PRELID2: variants seen among roughly 807,000 people sequenced by gnomAD.
PRELID2 encodes the protein PRELI domain containing 2.
A neutral mutation model predicts 28.4 loss-of-function variants in PRELID2; 25 were observed. The ratio of observed to expected loss-of-function variants is 0.88; its 90% CI spans 0.64 to 1.23. The LOEUF is 1.23. Ranked by LOEUF, PRELID2 falls within the 50% of genes most tolerant of loss-of-function variation. The probability of loss-of-function intolerance (pLI) is 0.00; values close to 1 mark genes in which losing one functional copy is unlikely to be tolerated. For missense variants in PRELID2, 201 were observed against 214.4 expected (o/e 0.94, Z 0.39); for synonymous variants, 76 against 71.6 (o/e 1.06, Z -0.31).
At chr5:145,242,100 ATTAT>A in the PRELID2 span, among the ~76,000 whole-genome samples, 1 of 152,034 alleles carries the variant, frequency 6.6e-6, no homozygotes, top group African/African-American at 2.4e-5. Context: ...TGCAAAAAAT[ATTAT>A]TTGTTACCAA....
At chr5:145,659,063 G>A (rs1452588301) in intron 1 of PRELID2, among the ~76,000 whole-genome samples, 1 of 152,192 alleles carries the variant, frequency 6.6e-6, no homozygotes, top group East Asian at 1.9e-4. Flanking sequence ...AGGGAGCAAA[G>A]GAGAGTCTGA....
intron 1 of PRELID2, among the ~76,000 whole-genome samples, chr5:145,575,326 C>T (rs1753051558): frequency 6.6e-6 from 1 of 152,160 alleles, no homozygotes; most frequent in South Asian, 2.1e-4. Context: ...ACTCAATGCT[C>T]TAACCTGCTG....
At chr5:145,576,446 C>T (rs1284300521) in intron 1 of PRELID2, among the ~76,000 whole-genome samples, 10 of 152,120 alleles carry the variant, frequency 6.6e-5, no homozygotes, top group Admixed American at 2.6e-4. Context: ...TGTATCAGTA[C>T]TTTGCTCTTC....
chr5:145,827,994 G>A (rs1755309647), intron 1 of PRELID2, among the ~76,000 whole-genome samples: 1 of 151,680 alleles, frequency 6.6e-6, no homozygotes, highest in African/African-American at 2.4e-5. Context: ...AAAGTATGTG[G>A]GAATTCTTTG....
intron 1 of PRELID2, among the ~76,000 whole-genome samples, chr5:145,646,774 C>A (rs1561530592): frequency 1.3e-5 from 2 of 152,308 alleles, no homozygotes; most frequent in South Asian, 2.1e-4. Flanking sequence ...CACTCAGGCC[C>A]CTCTGCCGCA....
the PRELID2 span, among the ~76,000 whole-genome samples, chr5:145,431,022 T>TG: frequency 1.4e-5 from 2 of 147,422 alleles, no homozygotes; most frequent in African/African-American, 2.5e-5. Flanking sequence ...TTTTTTTTTT[T>TG]TTTTTTTTTT....
At chr5:145,763,175 T>C (rs190194490) in intron 6 of PRELID2, among the ~76,000 whole-genome samples, 1 of 152,326 alleles carries the variant, frequency 6.6e-6, no homozygotes, top group East Asian at 1.9e-4. Context: ...CTCATTTACC[T>C]TGGAGCTGAC....
At chr5:145,347,949 T>A in the PRELID2 span, among the ~76,000 whole-genome samples, 1 of 152,090 alleles carries the variant, frequency 6.6e-6, no homozygotes, top group East Asian at 1.9e-4. Context: ...TTGATTCAAA[T>A]GGTTCCCATG....
At chr5:145,815,173 G>A (rs1057509516) in intron 4 of PRELID2, among the ~76,000 whole-genome samples, 5 of 152,204 alleles carry the variant, frequency 3.3e-5, no homozygotes, top group African/African-American at 4.8e-5. Flanking sequence ...TATCCACCAT[G>A]TGAGGCAATG....
the PRELID2 span, among the ~76,000 whole-genome samples, chr5:145,464,672 A>G: frequency 6.6e-6 from 1 of 152,106 alleles, no homozygotes; most frequent in Admixed American, 6.6e-5. Context: ...GATGTATGGA[A>G]TATATTTTTA....
At chr5:145,421,489 C>A in the PRELID2 span, among the ~76,000 whole-genome samples, 1 of 149,674 alleles carries the variant, frequency 6.7e-6, no homozygotes, top group Non-Finnish European at 1.5e-5. Context: ...GGAATTTATC[C>A]ATTTCTTCTA....
chr5:145,721,673 T>C (rs1654145), intron 1 of PRELID2, among the ~76,000 whole-genome samples: 27,967 of 151,874 alleles, frequency 0.18, 2,979 homozygotes, highest in African/African-American at 0.29. Context: ...CTGAATTAAC[T>C]CACCAACAGG....
intron 1 of PRELID2, among the ~76,000 whole-genome samples, chr5:145,744,042 C>T (rs1012488918): frequency 2.6e-5 from 4 of 152,246 alleles, no homozygotes; most frequent in African/African-American, 7.2e-5. Flanking sequence ...TAGCCCAACA[C>T]ACCAGCTGTG....
At chr5:145,623,699 G>A (rs1271257804) in intron 1 of PRELID2, among the ~76,000 whole-genome samples, 1 of 152,164 alleles carries the variant, frequency 6.6e-6, no homozygotes, top group African/African-American at 2.4e-5. Flanking sequence ...ATCGTGGAAA[G>A]CAAAGGTTAT....
At chr5:145,656,157 G>A (rs529084515) in intron 1 of PRELID2, among the ~76,000 whole-genome samples, 51 of 152,210 alleles carry the variant, frequency 3.4e-4, no homozygotes, top group Admixed American at 1.8e-3. Flanking sequence ...AAAAATGCTC[G>A]TCATCACTGG....
chr5:145,773,601 C>T (rs957572706), intron 5 of PRELID2, among the ~76,000 whole-genome samples: 3 of 152,208 alleles, frequency 2.0e-5, no homozygotes, highest in African/African-American at 4.8e-5. Context: ...TGCTTAATTA[C>T]GAGACAGTGC....
the PRELID2 span, among the ~76,000 whole-genome samples, chr5:145,464,428 T>A: frequency 6.6e-6 from 1 of 152,194 alleles, no homozygotes. Context: ...ACAAGCTTAA[T>A]GTTTAAATAT....
intron 1 of PRELID2, among the ~76,000 whole-genome samples, chr5:145,592,428 A>C (rs1240715840): frequency 1.3e-5 from 2 of 151,680 alleles, no homozygotes; most frequent in East Asian, 3.9e-4. Flanking sequence ...TCAAAAAAAA[A>C]ATTGTATATA....
At chr5:145,625,945 C>T (rs1753839108) in intron 1 of PRELID2, among the ~76,000 whole-genome samples, 1 of 152,108 alleles carries the variant, frequency 6.6e-6, no homozygotes, top group African/African-American at 2.4e-5. Context: ...ATACCCTATT[C>T]AATAAATGGT....
Sources: allele counts gnomAD v4.1 joint callset (sites outside exome capture counted in the v4.1 genomes callset), GRCh38; gene constraint gnomAD v4.1.1; transcripts MANE v1.5; gene names NCBI Gene and HGNC (gene_info 2026-07-23, HGNC 2026-07-21).